The following CHODL variants were observed in gnomAD, a reference collection of about 807,000 sequenced individuals.
CHODL encodes chondrolectin.
CHODL carries 29 observed loss-of-function variants against 34.5 expected under a neutral mutation model. The ratio of observed to expected loss-of-function variants is 0.84; its 90% CI spans 0.63 to 1.15. CHODL has a LOEUF of 1.15. CHODL is among the 50% of genes most tolerant of loss of function. CHODL has a pLI of 0.00. For synonymous variants in CHODL, 125 were observed against 116.1 expected (o/e 1.08, Z -0.49); for missense variants, 332 against 332.5 (o/e 1.00, Z 0.01).
intron 1 of CHODL, among the ~76,000 whole-genome samples, chr21:17,976,170 C>T (rs2063660187): frequency 7.2e-6 from 1 of 139,528 alleles, no homozygotes; most frequent in Admixed American, 8.0e-5. Context: ...ACTTGGGGGG[C>T]TAAGGCAGGA....
intron 2 of CHODL, among the ~76,000 whole-genome samples, chr21:18,028,550 T>A (rs185359885): frequency 6.6e-6 from 1 of 151,568 alleles, no homozygotes; most frequent in African/African-American, 2.4e-5. Context: ...ATACAAAAAA[T>A]TAGCTGGGCG....
intron 2 of CHODL, among the ~76,000 whole-genome samples, chr21:18,209,278 AG>A (rs2073748030): frequency 6.6e-6 from 1 of 152,122 alleles, no homozygotes; most frequent in Non-Finnish European, 1.5e-5. Context: ...TTCTACAAGG[AG>A]GGGAGTCTCT....
chr21:18,265,249 GTA>G (rs760474914), intron 5 of CHODL, among the ~76,000 whole-genome samples: 2 of 141,396 alleles, frequency 1.4e-5, no homozygotes, highest in Admixed American at 7.1e-5. Flanking sequence ...ATATATATGT[GTA>G]TATATATGTG....
intron 2 of CHODL, among the ~76,000 whole-genome samples, chr21:18,072,469 G>A (rs1334733055): frequency 6.6e-6 from 1 of 152,116 alleles, no homozygotes; most frequent in Non-Finnish European, 1.5e-5. Flanking sequence ...AAGGGCTTCA[G>A]ATTTAAGACG....
At chr21:17,938,535 G>A (rs952797546) in intron 1 of CHODL, among the ~76,000 whole-genome samples, 2 of 129,610 alleles carry the variant, frequency 1.5e-5, no homozygotes, top group East Asian at 2.3e-4. Flanking sequence ...CTGGAGTGCA[G>A]TGGCTCGATC....
chr21:18,171,803 A>G (rs1388991430), intron 2 of CHODL, among the ~76,000 whole-genome samples: 2 of 146,648 alleles, frequency 1.4e-5, no homozygotes, highest in Admixed American at 6.8e-5. Context: ...ATTCTTTGTC[A>G]TATGTGTCCA....
intron 2 of CHODL, among the ~76,000 whole-genome samples, chr21:18,205,737 CTTTT>C (rs56091373): frequency 1.6e-5 from 2 of 127,166 alleles, no homozygotes; most frequent in Admixed American, 8.1e-5. Flanking sequence ...AAGGAGTATA[CTTTT>C]TTTTTTTTTT....
chr21:18,023,261 C>G (rs9980385), intron 1 of CHODL, among the ~76,000 whole-genome samples: 14,779 of 152,130 alleles, frequency 0.097, 794 homozygotes, highest in Middle Eastern at 0.24. Flanking sequence ...GATTCCCCAG[C>G]TGGAGCTGCT....
chr21:17,929,089 T>C (rs2063250571), intron 1 of CHODL, among the ~76,000 whole-genome samples: 1 of 152,180 alleles, frequency 6.6e-6, no homozygotes, highest in African/African-American at 2.4e-5. Flanking sequence ...AGCCAACATA[T>C]TCAGTCAAGA....
chr21:18,124,584 TAAA>T (rs2065519411), intron 2 of CHODL, among the ~76,000 whole-genome samples: 1 of 152,232 alleles, frequency 6.6e-6, no homozygotes, highest in African/African-American at 2.4e-5. Flanking sequence ...AATAGTAGGT[TAAA>T]ATTTTAAGAT....
intron 2 of CHODL, among the ~76,000 whole-genome samples, chr21:18,091,731 G>C (rs548688185): frequency 6.6e-6 from 1 of 152,292 alleles, no homozygotes; most frequent in African/African-American, 2.4e-5. Context: ...CTGCCCTGAA[G>C]AGTGAGTCCC....
At chr21:17,977,928 A>AAAAAAAAG (rs1555845734) in intron 1 of CHODL, among the ~76,000 whole-genome samples, 6 of 150,576 alleles carry the variant, frequency 4.0e-5, no homozygotes, top group African/African-American at 1.5e-4. Flanking sequence ...CAAAAAAAAA[A>AAAAAAAAG]AAAAAAGAAA....
intron 2 of CHODL, among the ~76,000 whole-genome samples, chr21:18,223,259 A>T (rs1395236486): frequency 6.6e-6 from 1 of 152,234 alleles, no homozygotes; most frequent in Non-Finnish European, 1.5e-5. Flanking sequence ...ATAATATTTT[A>T]TCACTGGCAT....
In CHODL at chr21:18,245,357, G is replaced by A. The variant is rs1275798441; in HGVS notation, c.79+55G>A. On this transcript the variant is annotated intron_variant, in intron 1 of 5. Transcript: ENST00000299295. Reference sequence around the variant, plus strand: ...GAGCGGGGAGAGGGGACCACGGGGCGCGGCGGGCAGCCTGTTCTCGGGCGG... The same window carrying A: ...GAGCGGGGAGAGGGGACCACGGGGCACGGCGGGCAGCCTGTTCTCGGGCGG... 4 of 1,404,610 alleles carry A rather than the reference G, an allele frequency of 2.8e-6. No homozygotes were observed. In the African/African-American group the frequency reaches 6.0e-5, roughly 21 times the overall value. 87.0% of individuals were successfully genotyped at this position (1,404,610 alleles called of 1,614,324 possible).
chr21:17,966,799 T>TA (rs2063575101), intron 1 of CHODL, among the ~76,000 whole-genome samples: 3 of 152,192 alleles, frequency 2.0e-5, no homozygotes, highest in Admixed American at 2.0e-4. Flanking sequence ...GGCCTCTAGT[T>TA]ACTACTGATT....
intron 1 of CHODL, among the ~76,000 whole-genome samples, chr21:17,947,857 A>AT (rs1415459863): frequency 3.3e-5 from 5 of 152,214 alleles, no homozygotes; most frequent in Admixed American, 1.3e-4. Context: ...CCACTCATAT[A>AT]TTTTTGCAGC....
intron 2 of CHODL, among the ~76,000 whole-genome samples, chr21:18,227,277 A>T (rs925522876): frequency 2.0e-5 from 3 of 152,178 alleles, no homozygotes; most frequent in Non-Finnish European, 2.9e-5. Flanking sequence ...AGACATTCAG[A>T]CTGTAGCAAT....
At position 18,245,006 on chromosome 21, in the gene CHODL, T is replaced by C; in HGVS notation, c.-218T>C. On this transcript the variant is annotated 5_prime_UTR_variant, in exon 1 of 6. Transcript: ENST00000299295. The stretch of plus-strand genomic sequence containing the variant: ...CCCCAAACGCGCACCCTCGAAGTCT[T>C]GAACTCCAGCCCCGCACATCCACGC... 1 of 467,824 alleles carries C rather than the reference T, an allele frequency of 2.1e-6. No individual in the cohort carries two copies. Among genetic ancestry groups the C allele is most frequent in the East Asian group, 3.7e-5 (1 of 26,878 alleles). The allele number at this position is 467,824 out of a possible 1,614,324, so 29.0% of individuals were successfully genotyped here. A position where few individuals can be genotyped will look rare whatever the true frequency, so the allele number is the denominator to read the frequency against.
chr21:18,152,294 A>G (rs1005033206), intron 2 of CHODL, among the ~76,000 whole-genome samples: 3 of 152,180 alleles, frequency 2.0e-5, no homozygotes, highest in Non-Finnish European at 2.9e-5. Flanking sequence ...GAATAAATCG[A>G]TATTTGTTTT....
Sources: gnomAD v4.1 joint callset for allele counts (sites outside exome capture counted in the v4.1 genomes callset) on GRCh38, gnomAD v4.1.1 for gene constraint, MANE v1.5 for transcripts, NCBI Gene and HGNC (gene_info 2026-07-23, HGNC 2026-07-21) for gene names.